The following MBP variants were observed in gnomAD, a reference collection of about 807,000 sequenced individuals.
MBP encodes the protein myelin basic protein, also known as Golli-MBP.
Under a neutral mutation model 35.8 loss-of-function variants are expected in MBP, and 16 were observed. The observed-to-expected ratio is 0.45, with a 90% CI of 0.30 to 0.68. MBP has a LOEUF of 0.68. Ranked by LOEUF, MBP falls within the 30% of genes least tolerant of loss-of-function variation. MBP has a pLI of 0.08. For synonymous variants in MBP, 143 were observed against 159.6 expected (o/e 0.90, Z 0.78); for missense variants, 380 against 404.7 (o/e 0.94, Z 0.52).
intron 3 of MBP, among the ~76,000 whole-genome samples, chr18:77,043,740 C>T (rs527511374): frequency 1.3e-5 from 2 of 152,126 alleles, no homozygotes; most frequent in Admixed American, 6.5e-5. Flanking sequence ...GCTGTTGCGG[C>T]GTGGTGAGTA....
chr18:77,042,564 G>A (rs1482956687), intron 3 of MBP, among the ~76,000 whole-genome samples: 4 of 152,212 alleles, frequency 2.6e-5, no homozygotes, highest in Non-Finnish European at 4.4e-5. Flanking sequence ...AGCTTACCAC[G>A]GGAAAAATAG....
intron 4 of MBP, among the ~76,000 whole-genome samples, chr18:77,008,491 G>C (rs950386792): frequency 6.6e-6 from 1 of 152,172 alleles, no homozygotes; most frequent in Non-Finnish European, 1.5e-5. Flanking sequence ...CTCAGGATGG[G>C]CTTCCAAACC....
rs8086634 is a variant in MBP, at chr18:76,989,236, C to T, written c.682-324G>A. Among the ~76,000 whole-genome samples, 26,483 of 152,122 alleles carry T rather than the reference C, an allele frequency of 0.17. 4,151 individuals carry two copies. Among genetic ancestry groups the T allele is most frequent in the African/African-American group, 0.42 (17,312 of 41,462 alleles). On this transcript the variant is annotated intron_variant, in intron 5 of 8. Transcript: ENST00000355994. This position sits in a 1 kb window ranked among gnomAD's most constrained non-coding sequence, Gnocchi z 4.0. Reference sequence around the variant, plus strand: ...ACTTTGCTTCACCGTGAGCCCTTTCCGGGGCTAGGAGTAGCGGGCCCTCTG... The same window carrying T: ...ACTTTGCTTCACCGTGAGCCCTTTCTGGGGCTAGGAGTAGCGGGCCCTCTG...
At chr18:77,034,059 A>G (rs1379000343) in intron 3 of MBP, among the ~76,000 whole-genome samples, 11 of 150,870 alleles carry the variant, frequency 7.3e-5, no homozygotes, top group African/African-American at 1.5e-4. Flanking sequence ...GGCAAAAAAA[A>G]AAAAAAAAAA....
intron 1 of MBP, among the ~76,000 whole-genome samples, chr18:77,118,412 T>C: frequency 6.6e-6 from 1 of 151,984 alleles, no homozygotes; most frequent in East Asian, 1.9e-4. Flanking sequence ...GTTCAGGTTT[T>C]AGCACAGTCG....
At chr18:77,021,815 C>A (rs181047711) in intron 3 of MBP, among the ~76,000 whole-genome samples, 3 of 152,184 alleles carry the variant, frequency 2.0e-5, no homozygotes, top group Non-Finnish European at 2.9e-5. Context: ...CACTTGGACT[C>A]CAATGCAGCT....
intron 3 of MBP, among the ~76,000 whole-genome samples, chr18:77,045,979 G>C (rs887259175): frequency 3.3e-5 from 5 of 152,160 alleles, no homozygotes; most frequent in Non-Finnish European, 5.9e-5. Flanking sequence ...CAAACATGTC[G>C]ATGGATGTGA....
chr18:77,049,690 ATTT>A (rs1193927212), intron 3 of MBP, among the ~76,000 whole-genome samples: 1 of 150,954 alleles, frequency 6.6e-6, no homozygotes, highest in African/African-American at 2.4e-5. Context: ...ATTTTATTTT[ATTT>A]TTTTTGAGAT....
intron 2 of MBP, among the ~76,000 whole-genome samples, chr18:77,078,190 G>A (rs1974739986): frequency 1.3e-5 from 2 of 152,344 alleles, no homozygotes; most frequent in Admixed American, 1.3e-4. Flanking sequence ...GTGTTCAGGA[G>A]ATGCGCTCAT....
chr18:77,071,785 G>C (rs1309389533), intron 2 of MBP, among the ~76,000 whole-genome samples: 2 of 152,106 alleles, frequency 1.3e-5, no homozygotes, highest in African/African-American at 4.8e-5. Context: ...AATAAAGCTA[G>C]AGAAGCAAGC....
chr18:77,023,650 G>T (rs1488047430), intron 3 of MBP, among the ~76,000 whole-genome samples: 1 of 152,100 alleles, frequency 6.6e-6, no homozygotes, highest in Non-Finnish European at 1.5e-5. Context: ...CTGCCATTGG[G>T]TTCCCTTGTT....
At chr18:76,984,569 C>G (rs553810378) in intron 8 of MBP, 2 of 651,012 alleles carry the variant, frequency 3.1e-6, no homozygotes, top group Non-Finnish European at 5.1e-6. Flanking sequence ...CAAGCACCTC[C>G]GGCTTCACAT....
intron 2 of MBP, among the ~76,000 whole-genome samples, chr18:77,086,183 C>T (rs949018755): frequency 8.5e-5 from 13 of 152,210 alleles, no homozygotes; most frequent in Non-Finnish European, 1.3e-4. Context: ...GATGAATCAT[C>T]AGAACAGCAA....
chr18:76,986,169 G>A, intron 7 of MBP: 1 of 985,536 alleles, frequency 1.0e-6, no homozygotes, highest in Non-Finnish European at 1.2e-6. Flanking sequence ...AGGGATCTTG[G>A]TTGGCCTCCT....
intron 1 of MBP, among the ~76,000 whole-genome samples, chr18:77,126,104 C>T (rs1338753267): frequency 2.6e-5 from 4 of 152,118 alleles, no homozygotes; most frequent in African/African-American, 9.7e-5. Context: ...CTGAAACTAG[C>T]AAAGACTATA....
At chr18:77,058,928 G>A (rs1210688569) in intron 3 of MBP, among the ~76,000 whole-genome samples, 1 of 152,124 alleles carries the variant, frequency 6.6e-6, no homozygotes, top group East Asian at 1.9e-4. Flanking sequence ...TGGACATAAC[G>A]AGACCTGCCT....
intron 2 of MBP, among the ~76,000 whole-genome samples, chr18:77,090,937 T>A (rs1214734614): frequency 6.6e-6 from 1 of 152,216 alleles, no homozygotes; most frequent in Non-Finnish European, 1.5e-5. Context: ...GTTCCCGTGC[T>A]GGCACAGAGG....
At chr18:77,043,050 A>G (rs1973081594) in intron 3 of MBP, among the ~76,000 whole-genome samples, 1 of 152,238 alleles carries the variant, frequency 6.6e-6, no homozygotes, top group African/African-American at 2.4e-5. Flanking sequence ...AGTTTTAGAA[A>G]AGAATGCATA....
At chr18:77,060,648 C>T (rs1973942137) in intron 3 of MBP, among the ~76,000 whole-genome samples, 1 of 151,890 alleles carries the variant, frequency 6.6e-6, no homozygotes, top group Non-Finnish European at 1.5e-5. Flanking sequence ...ATGTGGTTTC[C>T]CCGTGTTGGT....
Sources: allele counts gnomAD v4.1 joint callset (sites outside exome capture counted in the v4.1 genomes callset), GRCh38; gene constraint gnomAD v4.1.1; non-coding constraint Gnocchi (gnomAD v3.1); transcripts MANE v1.5; gene names NCBI Gene and HGNC (gene_info 2026-07-23, HGNC 2026-07-21).